The following ABHD2 variants were observed in gnomAD, a reference collection of about 807,000 sequenced individuals.
The protein encoded by ABHD2 is monoacylglycerol lipase ABHD2.
A neutral mutation model predicts 48.1 loss-of-function variants in ABHD2; 20 were observed. That is an observed-to-expected ratio of 0.42 (90% CI 0.29 to 0.60). The LOEUF (loss-of-function observed/expected upper bound fraction) is 0.60, where lower values mean the gene tolerates loss of function less well. Ranked by LOEUF, ABHD2 falls within the 20% of genes least tolerant of loss-of-function variation. The pLI, the probability that ABHD2 is intolerant of heterozygous loss-of-function variation, is 0.24. For synonymous variants in ABHD2, 209 were observed against 214.2 expected (o/e 0.98, Z 0.21); for missense variants, 405 against 550.9 (o/e 0.74, Z 2.65).
chr15:89,111,582 T>C (rs1433341569), intron 1 of ABHD2, among the ~76,000 whole-genome samples: 2 of 152,228 alleles, frequency 1.3e-5, no homozygotes, highest in Non-Finnish European at 2.9e-5. Flanking sequence ...CCATGTTTTC[T>C]GCATTCCAGG....
rs1415331045 is a variant in ABHD2, at chr15:89,176,992, C to A, written c.722+997C>A. ...ATATTATTTCTAAAAATACATATTA[C>A]TGGAATTTAAAGCCAGCACACCCAA... On this transcript the variant is annotated intron_variant, in intron 6 of 10. Coordinates refer to ENST00000352732, the MANE Select transcript of ABHD2 (RefSeq NM_152924.5). This position sits in a 1 kb window ranked among gnomAD's most constrained non-coding sequence, Gnocchi z 4.5. Among the ~76,000 whole-genome samples the A allele has an allele frequency of 1.3e-5, 2 of 152,140 alleles. No individual in the cohort carries two copies. Among genetic ancestry groups the A allele is most frequent in the African/African-American group, 4.8e-5 (2 of 41,414 alleles).
rs1372412431 is a variant in ABHD2, at chr15:89,106,867, T to G, written c.-106-6858T>G. 6.6e-6 allele frequency among the ~76,000 whole-genome samples: 1 copy of G among 152,166 alleles called. No individual in the cohort carries two copies. Among genetic ancestry groups the G allele is most frequent in the Non-Finnish European group, 1.5e-5 (1 of 68,024 alleles). ...TTTGGAAATTGGGTCTTTGCAGATG[T>G]AATCAAGTTAAGATGGGGTTGTACT... On this transcript the variant is annotated intron_variant, in intron 1 of 10. Coordinates refer to ENST00000352732, the MANE Select transcript of ABHD2 (RefSeq NM_152924.5). This position sits in a 1 kb window ranked among gnomAD's most constrained non-coding sequence, Gnocchi z 4.2.
At chr15:89,163,723 G>A (rs1422853475) in intron 5 of ABHD2, among the ~76,000 whole-genome samples, 1 of 152,218 alleles carries the variant, frequency 6.6e-6, no homozygotes, top group Non-Finnish European at 1.5e-5. Context: ...TGGTGGTAGT[G>A]GTCATTACTG....
At chr15:89,054,050 A>G in the ABHD2 span, among the ~76,000 whole-genome samples, 4 of 152,184 alleles carry the variant, frequency 2.6e-5, no homozygotes, top group African/African-American at 4.8e-5. Flanking sequence ...AGGCAGGCAC[A>G]GTGGCTCACT....
At position 89,127,784 on chromosome 15, in the gene ABHD2, C is replaced by T. The variant is rs544998326; in HGVS notation, c.194+11263C>T. ...TCAATTAGTAATATTTAGTAACCTGCTCTTCCAGTCTGTTCACCGTCTGTA... is the reference window on the plus strand; with the variant it reads ...TCAATTAGTAATATTTAGTAACCTGTTCTTCCAGTCTGTTCACCGTCTGTA... On this transcript the variant is annotated intron_variant, in intron 3 of 10. Transcript: ENST00000352732. 8.7e-5 allele frequency among the ~76,000 whole-genome samples: 13 copies of T among 148,912 alleles called. No homozygotes were observed. The South Asian group carries it at 2.1e-3, about 24-fold the overall frequency.
rs754972690 is a variant in ABHD2 at position 89,195,430 on chromosome 15, C to T, written c.*7C>T. On this transcript the variant is annotated 3_prime_UTR_variant, in exon 11 of 11. Coordinates refer to ENST00000352732, the MANE Select transcript of ABHD2 (RefSeq NM_152924.5). The surrounding 1 kb of genome is among the most constrained non-coding windows in gnomAD (Gnocchi z 5.1). Reference sequence around the variant, plus strand: ...GGAGGCCGACCTGGAGTGAGGCCTCCGGACTCTGGCACGCTCCAGCAGCCC... The same window carrying T: ...GGAGGCCGACCTGGAGTGAGGCCTCTGGACTCTGGCACGCTCCAGCAGCCC... The T allele has an allele frequency of 2.0e-5, 32 of 1,612,024 alleles. No homozygotes were observed. The highest frequency in any genetic ancestry group is 1.2e-4 in the South Asian group (11 of 90,946).
the ABHD2 span, among the ~76,000 whole-genome samples, chr15:89,050,811 C>A: frequency 6.6e-6 from 1 of 152,266 alleles, no homozygotes; most frequent in African/African-American, 2.4e-5. Flanking sequence ...GGAAAACATG[C>A]ACAAGTGGCC....
At position 89,200,784 on chromosome 15, in the gene ABHD2, A is replaced by G. The variant is rs141277044; in HGVS notation, c.*5361A>G. On this transcript the variant is annotated 3_prime_UTR_variant, in exon 11 of 11. Transcript: ENST00000352732. ...TTTGCTCTACAAGACGAATTTCCCTAGAAAGAATCCAATGAAGGCCGGGCA... is the reference window on the plus strand; with the variant it reads ...TTTGCTCTACAAGACGAATTTCCCTGGAAAGAATCCAATGAAGGCCGGGCA... The G allele has an allele frequency of 4.5e-3, 1,149 of 256,526 alleles. 9 individuals are homozygous for G. The highest frequency in any genetic ancestry group is 0.023 in the African/African-American group (1,014 of 44,072). The allele number at this position is 256,526 out of a possible 1,614,324, so 15.9% of individuals were successfully genotyped here.
At chr15:89,148,906 A>G (rs1216446532) in intron 3 of ABHD2, among the ~76,000 whole-genome samples, 1 of 152,160 alleles carries the variant, frequency 6.6e-6, no homozygotes, top group Admixed American at 6.5e-5. Context: ...GTTTTAGTCC[A>G]TATTTCCTTC....
At position 89,168,060 on chromosome 15, in the gene ABHD2, C is replaced by T. The variant is rs2050863698; in HGVS notation, c.539-7752C>T. 6.6e-6 allele frequency among the ~76,000 whole-genome samples: 1 copy of T among 152,200 alleles called. No homozygotes were observed. The highest frequency in any genetic ancestry group is 2.4e-5 in the African/African-American group (1 of 41,458). On this transcript the variant is annotated intron_variant, in intron 5 of 10. Transcript: ENST00000352732. The surrounding 1 kb of genome is among the most constrained non-coding windows in gnomAD (Gnocchi z 4.8). Reference sequence around the variant, plus strand: ...AGAGATGACTCAGAGTCTCCATCCACAAGGAACACCAAGTCTCGAGTCCCT... The same window carrying T: ...AGAGATGACTCAGAGTCTCCATCCATAAGGAACACCAAGTCTCGAGTCCCT...
chr15:89,064,880 C>A, the ABHD2 span, among the ~76,000 whole-genome samples: 1 of 152,114 alleles, frequency 6.6e-6, no homozygotes, highest in Non-Finnish European at 1.5e-5. Flanking sequence ...CTACTCCCAG[C>A]TGAAGAAATA....
At chr15:89,063,977 G>A in the ABHD2 span, among the ~76,000 whole-genome samples, 1 of 152,014 alleles carries the variant, frequency 6.6e-6, no homozygotes, top group Admixed American at 6.6e-5. Context: ...TGGCCCAGGG[G>A]TTGAGGACCC....
At chr15:89,049,653 C>G in the ABHD2 span, among the ~76,000 whole-genome samples, 7 of 152,328 alleles carry the variant, frequency 4.6e-5, no homozygotes, top group African/African-American at 1.7e-4. Flanking sequence ...CCCGATTTTC[C>G]AGGTGGCTTC....
chr15:89,073,220 A>G, the ABHD2 span, among the ~76,000 whole-genome samples: 1 of 152,164 alleles, frequency 6.6e-6, no homozygotes, highest in Non-Finnish European at 1.5e-5. Flanking sequence ...ATCTATCATC[A>G]GATTTATGGG....
rs2051464215 is a variant in ABHD2, at chr15:89,201,415, T to C, written c.*5992T>C. 7.9e-7 allele frequency: 1 copy of C among 1,273,490 alleles called. No individual in the cohort carries two copies. The highest frequency in any genetic ancestry group is 1.1e-6 in the Non-Finnish European group (1 of 882,584). 78.9% of individuals were successfully genotyped at this position (1,273,490 alleles called of 1,614,324 possible). On this transcript the variant is annotated 3_prime_UTR_variant, in exon 11 of 11. Coordinates refer to ENST00000352732, the MANE Select transcript of ABHD2 (RefSeq NM_152924.5). ...GTTCCATGTCATTCAATTTATCATT[T>C]TCATTGGGGATCTCCATTTGGAATC...
At chr15:89,109,228 A>G (rs2049835498) in intron 1 of ABHD2, among the ~76,000 whole-genome samples, 1 of 152,190 alleles carries the variant, frequency 6.6e-6, no homozygotes, top group Non-Finnish European at 1.5e-5. Context: ...AATACCAGTC[A>G]AGCTTGTCTT....
chr15:89,121,349 G>T (rs2050047974), intron 3 of ABHD2, among the ~76,000 whole-genome samples: 1 of 152,166 alleles, frequency 6.6e-6, no homozygotes. Context: ...GACCCTGGGA[G>T]AGGGTCCCTG....
chr15:89,149,600 C>T (rs2050558216), intron 3 of ABHD2, among the ~76,000 whole-genome samples: 1 of 152,120 alleles, frequency 6.6e-6, no homozygotes, highest in Non-Finnish European at 1.5e-5. Context: ...AGGGGCAACC[C>T]CCCCAGCAAC....
At chr15:89,058,427 C>T in the ABHD2 span, among the ~76,000 whole-genome samples, 9 of 152,270 alleles carry the variant, frequency 5.9e-5, no homozygotes, top group East Asian at 5.8e-4. Context: ...GAAGATGCCC[C>T]GCAGGCACAG....
Sources: allele counts gnomAD v4.1 joint callset (sites outside exome capture counted in the v4.1 genomes callset), GRCh38; gene constraint gnomAD v4.1.1; non-coding constraint Gnocchi (gnomAD v3.1); transcripts MANE v1.5; gene names NCBI Gene and HGNC (gene_info 2026-07-23, HGNC 2026-07-21).